CCDC93: variants seen among roughly 807,000 people sequenced by gnomAD.
The protein encoded by CCDC93 is CCC complex scaffolding subunit CCDC93.
A neutral mutation model predicts 108.2 loss-of-function variants in CCDC93; 61 were observed. That is an observed-to-expected ratio of 0.56 (90% CI 0.46 to 0.70). The LOEUF (loss-of-function observed/expected upper bound fraction) is 0.70, where lower values mean the gene tolerates loss of function less well. Among genes scored for constraint, CCDC93 ranks in the 30% least tolerant of loss-of-function variants. CCDC93 has a pLI of 0.00. For synonymous variants in CCDC93, 276 were observed against 260.4 expected, an observed-to-expected ratio of 1.06 and a Z score of -0.58; for missense variants, 685 against 764.2, an observed-to-expected ratio of 0.90 and a Z score of 1.22.
chr2:118,011,647 T>A (rs1293458723), intron 1 of CCDC93, among the ~76,000 whole-genome samples: 2 of 151,956 alleles, frequency 1.3e-5, no homozygotes, highest in Admixed American at 1.3e-4. Context: ...TCATTTATTA[T>A]GAAAACATGA....
intron 20 of CCDC93, among the ~76,000 whole-genome samples, chr2:117,938,019 G>A (rs1282606286): frequency 6.6e-6 from 1 of 152,166 alleles, no homozygotes; most frequent in Non-Finnish European, 1.5e-5. Flanking sequence ...TATTAAAGTG[G>A]TAATTAGTGT....
chr2:117,973,458 T>C (rs988975663), intron 11 of CCDC93, among the ~76,000 whole-genome samples: 1 of 151,872 alleles, frequency 6.6e-6, no homozygotes, highest in Non-Finnish European at 1.5e-5. Flanking sequence ...TTTCAGGCTT[T>C]CCTTCATTCT....
intron 3 of CCDC93, among the ~76,000 whole-genome samples, chr2:118,005,741 A>T (rs1676847948): frequency 9.0e-6 from 1 of 110,564 alleles, no homozygotes; most frequent in African/African-American, 3.4e-5. Flanking sequence ...GATAAGAGTG[A>T]GACTCTGTCT....
chr2:117,933,107 G>A (rs1008830941), intron 22 of CCDC93, among the ~76,000 whole-genome samples: 1 of 152,216 alleles, frequency 6.6e-6, no homozygotes, highest in Non-Finnish European at 1.5e-5. Context: ...CACTCACTGT[G>A]TATCCTTGGA....
At chr2:117,977,304 G>C (rs4849649) in intron 8 of CCDC93, among the ~76,000 whole-genome samples, 1 of 152,114 alleles carries the variant, frequency 6.6e-6, no homozygotes, top group African/African-American at 2.4e-5. Flanking sequence ...TTAGAGCTAT[G>C]TGACCTTGGA....
At chr2:118,009,749 C>T (rs373235273) in intron 1 of CCDC93, among the ~76,000 whole-genome samples, 1 of 152,110 alleles carries the variant, frequency 6.6e-6, no homozygotes, top group South Asian at 2.1e-4. Flanking sequence ...GAAGGGAATT[C>T]AAAAGTGCAT....
At chr2:117,951,662 C>T (rs767734261) in intron 13 of CCDC93, 201 of 1,000,108 alleles carry the variant, frequency 2.0e-4, no homozygotes, top group Non-Finnish European at 1.6e-4. Context: ...ACCAAAATCA[C>T]AAGGAAGACA....
At chr2:117,920,429 G>C in intron 23 of CCDC93, 33 bp from the exon 24 acceptor site, 1 of 1,530,658 alleles carries the variant, frequency 6.5e-7, no homozygotes. Flanking sequence ...AGAGAGAGTG[G>C]TGACTACATT....
intron 6 of CCDC93, among the ~76,000 whole-genome samples, chr2:117,987,422 A>G (rs1310566186): frequency 6.6e-6 from 1 of 152,088 alleles, no homozygotes; most frequent in East Asian, 1.9e-4. Context: ...CTCTCACAAG[A>G]CTCATTCTAC....
chr2:117,936,772 G>C (rs1333582960), intron 20 of CCDC93, 33 bp from the exon 21 acceptor site: 29 of 1,592,440 alleles, frequency 1.8e-5, no homozygotes, highest in Non-Finnish European at 2.4e-5. Flanking sequence ...GAAATTATAA[G>C]ACAGGCAAAA....
intron 11 of CCDC93, among the ~76,000 whole-genome samples, chr2:117,972,707 C>T (rs1444838864): frequency 1.3e-5 from 2 of 151,992 alleles, no homozygotes; most frequent in Non-Finnish European, 2.9e-5. Flanking sequence ...TGTGTGCTGA[C>T]AGGAAACGAA....
At chr2:117,995,395 T>C in intron 6 of CCDC93, 51 bp downstream of exon 6, 2 of 1,344,086 alleles carry the variant, frequency 1.5e-6, no homozygotes, top group Non-Finnish European at 2.1e-6. Flanking sequence ...AACAAAGGGC[T>C]ATCTGAGGCT....
chr2:117,971,210 A>C (rs1368902899), intron 11 of CCDC93, among the ~76,000 whole-genome samples: 1 of 151,972 alleles, frequency 6.6e-6, no homozygotes, highest in Non-Finnish European at 1.5e-5. Flanking sequence ...AAAAAATACA[A>C]AACTTAGCCA....
chr2:118,001,103 T>A (rs1284829277), intron 3 of CCDC93, 171 bp from the exon 4 acceptor site: 3 of 568,474 alleles, frequency 5.3e-6, no homozygotes, highest in Non-Finnish European at 9.5e-6. Flanking sequence ...TAAGCACAAT[T>A]TGGTGGTGTG....
At chr2:117,945,822 TC>T (rs1678853416) in intron 16 of CCDC93, among the ~76,000 whole-genome samples, 1 of 152,216 alleles carries the variant, frequency 6.6e-6, no homozygotes, top group Non-Finnish European at 1.5e-5. Context: ...ACCGTATAGC[TC>T]TTTTTGAATG....
chr2:117,946,806 T>C lies in CCDC93; in HGVS notation c.1296+5A>G. The C allele has an allele frequency of 1.2e-6, 2 of 1,608,448 alleles. No homozygotes were observed. Among genetic ancestry groups the C allele is most frequent in the Non-Finnish European group, 1.7e-6 (2 of 1,174,766 alleles). ...GAGTCTCAAGGACTAATTCAGAGCC[T>C]TTACCTTTTCATCTCCACGTGGTGC... On this transcript the variant is annotated splice_donor_5th_base_variant and intron_variant, in intron 16 of 23. Coordinates refer to ENST00000376300, the MANE Select transcript of CCDC93 (RefSeq NM_019044.5).
Position 118,003,808 on chromosome 2 carries a change from A to G in CCDC93, c.252-2876T>C, listed in dbSNP as rs58464207. Among the ~76,000 whole-genome samples, 360 of 152,296 alleles carry G rather than the reference A, an allele frequency of 2.4e-3. 10 individuals are homozygous for G. The East Asian group carries it at 0.061, about 26-fold the overall frequency. Reference sequence around the variant, plus strand: ...CAGTCTTGGCAGCCAAGGTGAGGACATGGAGGAAAATGCAGGCAGGCTGGG... The same window carrying G: ...CAGTCTTGGCAGCCAAGGTGAGGACGTGGAGGAAAATGCAGGCAGGCTGGG... On this transcript the variant is annotated intron_variant, in intron 3 of 23. Transcript: ENST00000376300.
chr2:117,977,926 T>C (rs1330695768), intron 8 of CCDC93, 68 bp downstream of exon 8: 28 of 1,423,606 alleles, frequency 2.0e-5, no homozygotes, highest in Non-Finnish European at 2.6e-5. Flanking sequence ...TTGTGAGTGT[T>C]AGTCAGAGGT....
chr2:117,967,596 C>G (rs955417685), intron 11 of CCDC93, among the ~76,000 whole-genome samples: 1 of 152,230 alleles, frequency 6.6e-6, no homozygotes, highest in African/African-American at 2.4e-5. Flanking sequence ...GAGGCTGTCC[C>G]TGCTTCTCCC....
Sources: gnomAD v4.1 joint callset for allele counts (sites outside exome capture counted in the v4.1 genomes callset) on GRCh38, gnomAD v4.1.1 for gene constraint, MANE v1.5 for transcripts, NCBI Gene and HGNC (gene_info 2026-07-23, HGNC 2026-07-21) for gene names.